NPSR1: variants seen among roughly 807,000 people sequenced by gnomAD.
NPSR1 encodes neuropeptide S receptor.
A neutral mutation model predicts 46.9 loss-of-function variants in NPSR1; 48 were observed. That is an observed-to-expected ratio of 1.02 (90% confidence interval 0.81 to 1.30). The LOEUF (loss-of-function observed/expected upper bound fraction) is 1.30. NPSR1 is among the 50% of genes most tolerant of loss of function. The probability of loss-of-function intolerance (pLI) is 0.00; values close to 1 mark genes in which losing one functional copy is unlikely to be tolerated. For synonymous variants in NPSR1, 176 were observed against 168.1 expected (o/e 1.05, Z -0.36); for missense variants, 450 against 449.5 (o/e 1.00, Z -0.01).
intron 2 of NPSR1, among the ~76,000 whole-genome samples, chr7:34,741,754 T>C (rs1279865120): frequency 6.6e-6 from 1 of 152,228 alleles, no homozygotes; most frequent in Non-Finnish European, 1.5e-5. Flanking sequence ...CCCTGTGACA[T>C]TAGCAAACTG....
intron 8 of NPSR1, chr7:34,871,476 C>T (rs1469658926): frequency 2.0e-5 from 3 of 151,824 alleles, no homozygotes; most frequent in African/African-American, 7.3e-5. Flanking sequence ...ATGTCCTTCT[C>T]ACATTACAAA....
intron 3 of NPSR1, among the ~76,000 whole-genome samples, chr7:34,803,640 C>G (rs550150963): frequency 6.6e-6 from 1 of 151,356 alleles, no homozygotes; most frequent in Admixed American, 6.6e-5. Context: ...GTGGGTGCAC[C>G]ACACCAGCAT....
chr7:34,815,616 A>C (rs1253889914), intron 4 of NPSR1, among the ~76,000 whole-genome samples: 2 of 152,172 alleles, frequency 1.3e-5, no homozygotes, highest in African/African-American at 4.8e-5. Context: ...ACATGTAGTC[A>C]GATTCACCAA....
At chr7:34,723,576 A>G (rs1293966843) in intron 2 of NPSR1, among the ~76,000 whole-genome samples, 1 of 152,024 alleles carries the variant, frequency 6.6e-6, no homozygotes, top group Non-Finnish European at 1.5e-5. Flanking sequence ...GTAATTATCT[A>G]TGTTTAGCAG....
downstream of NPSR1, among the ~76,000 whole-genome samples, chr7:34,854,897 C>G (rs1379180101): frequency 6.6e-6 from 1 of 151,824 alleles, no homozygotes; most frequent in Non-Finnish European, 1.5e-5. Context: ...GGCCATAAAA[C>G]AAGCTTCAAC....
Position 34,714,151 on chromosome 7 carries a change from T to C in NPSR1, c.280+29467T>C, listed in dbSNP as rs899286776. ...AAAGATCGCCAGGAAAGTTCCTCAGTTCCTCCTCACTTGGGCCTCTCCAGA... is the reference window on the plus strand; with the variant it reads ...AAAGATCGCCAGGAAAGTTCCTCAGCTCCTCCTCACTTGGGCCTCTCCAGA... On this transcript the variant is annotated intron_variant, in intron 2 of 8. Transcript: ENST00000360581. Among the ~76,000 whole-genome samples, 12 of 152,350 alleles carry C rather than the reference T, an allele frequency of 7.9e-5. No individual in the cohort carries two copies. The East Asian group carries it at 2.3e-3, about 29-fold the overall frequency.
At chr7:34,831,534 C>G (rs981858172) in intron 5 of NPSR1, among the ~76,000 whole-genome samples, 2 of 151,988 alleles carry the variant, frequency 1.3e-5, no homozygotes, top group Non-Finnish European at 2.9e-5. Flanking sequence ...TGGTGGCAAA[C>G]TCTCATGAGA....
chr7:34,781,227 G>A (rs1047235097), intron 3 of NPSR1, among the ~76,000 whole-genome samples: 4 of 152,134 alleles, frequency 2.6e-5, no homozygotes, highest in African/African-American at 9.7e-5. Flanking sequence ...GACTTCCTCT[G>A]CAATGAATGG....
intron 3 of NPSR1, among the ~76,000 whole-genome samples, chr7:34,789,691 G>C (rs567129148): frequency 7.1e-6 from 1 of 141,524 alleles, no homozygotes; most frequent in Non-Finnish European, 1.5e-5. Context: ...TACTCAGGAG[G>C]CTGAGGCAAG....
chr7:34,849,443 G>A (rs760878330), intron 8 of NPSR1, 122 bp from the exon 9 acceptor site: 1 of 1,595,916 alleles, frequency 6.3e-7, no homozygotes, highest in Non-Finnish European at 8.6e-7. Flanking sequence ...TACATGTAAA[G>A]TGCCTGGCAC....
rs540378624 is a variant in NPSR1 at position 34,802,205 on chromosome 7, GA to G, written c.385-9559del. Among the ~76,000 whole-genome samples the G allele has an allele frequency of 2.3e-4, 35 of 150,352 alleles. 1 individual carries two copies. The South Asian group carries it at 6.6e-3, about 29-fold the overall frequency. ...ACAAATGACTTTCTTCACAGAATTG[GA>G]AAAAACTACTTTAAACTTCATATGG... On this transcript the variant is annotated intron_variant, in intron 3 of 8. Transcript: ENST00000360581.
At chr7:34,825,857 G>A (rs554953317) in intron 4 of NPSR1, among the ~76,000 whole-genome samples, 1 of 152,154 alleles carries the variant, frequency 6.6e-6, no homozygotes, top group Non-Finnish European at 1.5e-5. Context: ...ATAGCAACCT[G>A]GGGGAGGAGG....
intron 4 of NPSR1, among the ~76,000 whole-genome samples, chr7:34,820,182 A>C (rs1262252406): frequency 1.3e-5 from 2 of 152,234 alleles, no homozygotes; most frequent in Non-Finnish European, 2.9e-5. Context: ...TGATGGATAC[A>C]TTTATGGCAT....
At chr7:34,732,213 G>A (rs1784456969) in intron 2 of NPSR1, among the ~76,000 whole-genome samples, 1 of 152,170 alleles carries the variant, frequency 6.6e-6, no homozygotes, top group Admixed American at 6.5e-5. Context: ...GTTAAAGACA[G>A]GGTTTTTGAT....
chr7:34,744,207 A>C (rs1426533762), intron 2 of NPSR1, among the ~76,000 whole-genome samples: 1 of 152,224 alleles, frequency 6.6e-6, no homozygotes. Context: ...CTAGTATTCA[A>C]TATAGAGTAT....
At chr7:34,750,544 C>A in intron 2 of NPSR1, 1 of 697,784 alleles carries the variant, frequency 1.4e-6, no homozygotes, top group South Asian at 1.5e-5. Flanking sequence ...CTTGGTTAAT[C>A]TCAAGCTCCT....
chr7:34,793,192 A>T (rs1419817826), intron 3 of NPSR1, among the ~76,000 whole-genome samples: 1 of 151,996 alleles, frequency 6.6e-6, no homozygotes, highest in Non-Finnish European at 1.5e-5. Flanking sequence ...AACAAAAGCA[A>T]AAGTATACAA....
intron 1 of NPSR1, among the ~76,000 whole-genome samples, chr7:34,680,987 C>T (rs551363161): frequency 2.4e-4 from 36 of 149,930 alleles, no homozygotes; most frequent in African/African-American, 8.3e-4. Flanking sequence ...TGGGCTTTTA[C>T]TCTATGATTA....
intron 1 of NPSR1, among the ~76,000 whole-genome samples, chr7:34,663,080 T>TGTGTGTGTGTTTGTGTGTGTGG (rs1791549464): frequency 8.7e-6 from 1 of 115,102 alleles, no homozygotes; most frequent in African/African-American, 4.0e-5. Flanking sequence ...TGTGTGTGTG[T>TGTGTGTGTGTTTGTGTGTGTGG]GTATGTGTGT....
Sources: gnomAD v4.1 joint callset for allele counts (sites outside exome capture counted in the v4.1 genomes callset) on GRCh38, gnomAD v4.1.1 for gene constraint, MANE v1.5 for transcripts, NCBI Gene and HGNC (gene_info 2026-07-23, HGNC 2026-07-21) for gene names.